The following ZNF81 variants were observed in gnomAD, a reference collection of about 807,000 sequenced individuals.
The protein encoded by ZNF81 is zinc finger protein 81.
Under a neutral mutation model 32.3 loss-of-function variants are expected in ZNF81, and 5 were observed. The ratio of observed to expected loss-of-function variants is 0.15; its 90% confidence interval spans 0.08 to 0.33. ZNF81 has a LOEUF of 0.33. Ranked by LOEUF, ZNF81 falls within the 10% of genes least tolerant of loss-of-function variation. The probability of loss-of-function intolerance (pLI) is 1.00; values close to 1 mark genes in which losing one functional copy is unlikely to be tolerated. For missense variants in ZNF81, 379 were observed against 479.8 expected, an observed-to-expected ratio of 0.79 and a Z score of 1.96; for synonymous variants, 163 against 166.8, an observed-to-expected ratio of 0.98 and a Z score of 0.17.
At position 47,920,056 on chromosome X, in the gene ZNF81, G is replaced by A. The variant is rs1351795775; in HGVS notation, c.*3424G>A. Reference sequence around the variant, plus strand: ...TGGAAACAGCCATGGTTGCCCTTTTGATAGGCCATTAGCATGGGGAGATTG... The same window carrying A: ...TGGAAACAGCCATGGTTGCCCTTTTAATAGGCCATTAGCATGGGGAGATTG... On this transcript the variant is annotated 3_prime_UTR_variant, in exon 5 of 5. Coordinates refer to ENST00000338637, the MANE Select transcript of ZNF81 (RefSeq NM_007137.5). 8.9e-6 allele frequency: 1 copy of A among 111,925 alleles called. No individual in the cohort carries two copies. Among genetic ancestry groups the A allele is most frequent in the African/African-American group, 3.3e-5 (1 of 30,713 alleles). The allele number at this position is 111,925 out of a possible 1,213,427, so 9.2% of individuals were successfully genotyped here.
intron 2 of ZNF81, among the ~76,000 whole-genome samples, chrX:47,872,741 G>T (rs1371831087): frequency 9.0e-6 from 1 of 111,655 alleles, no homozygotes; most frequent in African/African-American, 3.3e-5. Context: ...AGAAGTATGG[G>T]ACTATTACAG....
intron 2 of ZNF81, among the ~76,000 whole-genome samples, chrX:47,848,586 G>A (rs1556880809): frequency 9.0e-6 from 1 of 110,967 alleles, no homozygotes; most frequent in Non-Finnish European, 1.9e-5. Flanking sequence ...TTTTTGAATA[G>A]TAATATAGAA....
chrX:47,897,231 A>G (rs1347349336), intron 4 of ZNF81, among the ~76,000 whole-genome samples: 3 of 112,282 alleles, frequency 2.7e-5, no homozygotes, highest in African/African-American at 9.7e-5. Context: ...ATCCTCGTCA[A>G]CACTTGTTAT....
At chrX:47,910,360 A>C (rs1305082776) in intron 4 of ZNF81, among the ~76,000 whole-genome samples, 1 of 112,129 alleles carries the variant, frequency 8.9e-6, no homozygotes, top group Admixed American at 9.4e-5. Flanking sequence ...AATATCAAGA[A>C]TCTACAATGA....
chrX:47,860,037 T>C (rs2058533090), intron 2 of ZNF81, among the ~76,000 whole-genome samples: 1 of 111,117 alleles, frequency 9.0e-6, no homozygotes, highest in Admixed American at 9.6e-5. Flanking sequence ...TGAAAATTCT[T>C]GTAATTTCCT....
At chrX:47,880,170 A>T (rs1556884981) in intron 2 of ZNF81, among the ~76,000 whole-genome samples, 1 of 112,043 alleles carries the variant, frequency 8.9e-6, no homozygotes, top group African/African-American at 3.2e-5. Context: ...CATACATTAT[A>T]AAATTTCTGC....
intron 2 of ZNF81, among the ~76,000 whole-genome samples, chrX:47,872,375 A>G (rs5906504): frequency 0.39 from 43,084 of 110,709 alleles, 6,239 homozygotes; most frequent in Non-Finnish European, 0.45. Context: ...TACATATTGA[A>G]TAATTACAGA....
chrX:47,891,635 A>G, intron 3 of ZNF81, among the ~76,000 whole-genome samples: 1 of 111,754 alleles, frequency 8.9e-6, no homozygotes, highest in East Asian at 2.8e-4. Flanking sequence ...GGAAATAACC[A>G]CAGGACAGGT....
rs1237476157 is a variant in ZNF81 at position 47,919,006 on chromosome X, A to G, written c.*2374A>G. On this transcript the variant is annotated 3_prime_UTR_variant, in exon 5 of 5. Coordinates refer to ENST00000338637, the MANE Select transcript of ZNF81 (RefSeq NM_007137.5). ...TGTCATTTAGCTCACAGGTATCTGGATCAAGAAACTGAAAAACTGTACCCA... is the reference window on the plus strand; with the variant it reads ...TGTCATTTAGCTCACAGGTATCTGGGTCAAGAAACTGAAAAACTGTACCCA... The G allele has an allele frequency of 3.7e-6, 1 of 268,030 alleles. No individual in the cohort carries two copies. Among genetic ancestry groups the G allele is most frequent in the Non-Finnish European group, 7.1e-6 (1 of 141,702 alleles). 22.1% of individuals were successfully genotyped at this position (268,030 alleles called of 1,213,427 possible). A position where few individuals can be genotyped will look rare whatever the true frequency, so the allele number is the denominator to read the frequency against.
At chrX:47,901,024 C>G (rs2058696377) in intron 4 of ZNF81, among the ~76,000 whole-genome samples, 1 of 111,350 alleles carries the variant, frequency 9.0e-6, no homozygotes, top group Non-Finnish European at 1.9e-5. Flanking sequence ...CAACAGAAAC[C>G]CGAGAAAAGG....
At position 47,917,041 on chromosome X, in the gene ZNF81, G is replaced by A. The variant is rs1161144085; in HGVS notation, c.*409G>A. On this transcript the variant is annotated 3_prime_UTR_variant, in exon 5 of 5. Transcript: ENST00000338637. ...TGATAACAAAATGAAAGGTAGTGCA[G>A]CAAAATAATATAACTGGTGAGTAGA... 2.9e-5 allele frequency: 8 copies of A among 278,619 alleles called. No individual in the cohort carries two copies. The highest frequency in any genetic ancestry group is 1.9e-4 in the African/African-American group (7 of 36,049). 23.0% of individuals were successfully genotyped at this position (278,619 alleles called of 1,213,427 possible).
chrX:47,893,473 A>G (rs1425556495), intron 3 of ZNF81, among the ~76,000 whole-genome samples: 1 of 110,916 alleles, frequency 9.0e-6, no homozygotes, highest in Non-Finnish European at 1.9e-5. Flanking sequence ...GGGGTTCAAA[A>G]ATGGATATTT....
At chrX:47,890,759 T>C (rs2058659584) in intron 3 of ZNF81, among the ~76,000 whole-genome samples, 2 of 111,851 alleles carry the variant, frequency 1.8e-5, no homozygotes, top group South Asian at 3.7e-4. Context: ...ACCTCCAAAA[T>C]CCAAAGAGGC....
intron 2 of ZNF81, among the ~76,000 whole-genome samples, chrX:47,882,863 C>T (rs1407563060): frequency 1.8e-5 from 2 of 112,026 alleles, no homozygotes; most frequent in East Asian, 2.8e-4. Context: ...TGGTGGCACA[C>T]GCCTGTAATC....
At chrX:47,900,143 A>G (rs1455516171) in intron 4 of ZNF81, among the ~76,000 whole-genome samples, 3 of 111,748 alleles carry the variant, frequency 2.7e-5, no homozygotes, top group East Asian at 5.6e-4. Flanking sequence ...TAGAATGACC[A>G]ACACAGTCTT....
intron 2 of ZNF81, among the ~76,000 whole-genome samples, chrX:47,853,047 C>T (rs1408341411): frequency 1.8e-5 from 2 of 112,428 alleles, no homozygotes; most frequent in African/African-American, 6.5e-5. Context: ...TGACCAGGTG[C>T]ATTGTCAGTG....
chrX:47,863,033 T>G (rs782684182), intron 2 of ZNF81, among the ~76,000 whole-genome samples: 2 of 111,599 alleles, frequency 1.8e-5, no homozygotes, highest in South Asian at 3.7e-4. Context: ...AGGAGAGTGG[T>G]CTGTGTTTGG....
intron 2 of ZNF81, among the ~76,000 whole-genome samples, chrX:47,850,622 C>T (rs1182933899): frequency 9.6e-6 from 1 of 103,895 alleles, no homozygotes; most frequent in Non-Finnish European, 2.0e-5. Context: ...GGGAAAGAGG[C>T]ATGAGTAAGG....
chrX:47,887,136 A>G (rs1556885863), intron 2 of ZNF81, among the ~76,000 whole-genome samples: 1 of 111,508 alleles, frequency 9.0e-6, no homozygotes, highest in East Asian at 2.8e-4. Context: ...TTGTCCGTAC[A>G]TGTGTGGGTC....
Sources: allele counts gnomAD v4.1 joint callset (sites outside exome capture counted in the v4.1 genomes callset), GRCh38; gene constraint gnomAD v4.1.1; transcripts MANE v1.5; gene names NCBI Gene and HGNC (gene_info 2026-07-23, HGNC 2026-07-21).